Variants in DLG2 observed in about 807,000 individuals in gnomAD.
DLG2 encodes disks large homolog 2.
A neutral mutation model predicts 132.5 loss-of-function variants in DLG2; 45 were observed. The ratio of observed to expected loss-of-function variants is 0.34; its 90% CI spans 0.27 to 0.44. The LOEUF is 0.44. Ranked by LOEUF, DLG2 falls within the 20% of genes least tolerant of loss-of-function variation. DLG2 has a pLI of 1.00. For synonymous variants in DLG2, 424 were observed against 419.6 expected (o/e 1.01, Z -0.13); for missense variants, 1,045 against 1,196.9 (o/e 0.87, Z 1.87).
chr11:85,514,080 G>A (rs540593628), intron 3 of DLG2, among the ~76,000 whole-genome samples: 86 of 151,960 alleles, frequency 5.7e-4, no homozygotes, highest in African/African-American at 1.8e-3. Flanking sequence ...GAGTAATTTT[G>A]TAAAACTCAG....
intron 8 of DLG2, among the ~76,000 whole-genome samples, chr11:84,188,722 C>T (rs997359754): frequency 7.2e-5 from 11 of 152,102 alleles, no homozygotes; most frequent in Non-Finnish European, 1.2e-4. Flanking sequence ...ACTTCTTCAA[C>T]GGGAATGCTT....
chr11:84,675,039 T>A (rs1442527896), intron 6 of DLG2, among the ~76,000 whole-genome samples: 1 of 152,118 alleles, frequency 6.6e-6, no homozygotes, highest in Non-Finnish European at 1.5e-5. Context: ...AAACCTAGTA[T>A]ACAGCATCTG....
rs2064604561 is a variant in DLG2, at chr11:84,741,212, G to A, written c.358-206481C>T. ...CTCCCGAGTAGCTGGGACTACAGGC[G>A]CCCGCCACTGCGCCTGGCTAATTTT... On this transcript the variant is annotated intron_variant, in intron 6 of 27. Coordinates refer to ENST00000376104, the MANE Select transcript of DLG2 (RefSeq NM_001142699.3). Among the ~76,000 whole-genome samples, 3 of 151,398 alleles carry A rather than the reference G, an allele frequency of 2.0e-5. No individual in the cohort carries two copies. In the South Asian group the frequency reaches 6.3e-4, roughly 32 times the overall value.
intron 3 of DLG2, among the ~76,000 whole-genome samples, chr11:85,518,604 A>C (rs1383338623): frequency 6.6e-6 from 1 of 152,196 alleles, no homozygotes; most frequent in Non-Finnish European, 1.5e-5. Context: ...TGACAATGTG[A>C]TAGAAAAGAA....
intron 6 of DLG2, among the ~76,000 whole-genome samples, chr11:84,839,771 A>G (rs1370210614): frequency 6.6e-6 from 1 of 152,204 alleles, no homozygotes. Context: ...TGATGCTGGG[A>G]AAACTGGCTA....
intron 10 of DLG2, among the ~76,000 whole-genome samples, chr11:84,087,798 T>C (rs944928445): frequency 2.0e-5 from 3 of 152,240 alleles, no homozygotes; most frequent in Non-Finnish European, 2.9e-5. Flanking sequence ...TTATCCCATA[T>C]AGTCTCTGGG....
At position 84,537,766 on chromosome 11, in the gene DLG2, C is replaced by G. The variant is rs568974310; in HGVS notation, c.358-3035G>C. Among the ~76,000 whole-genome samples the G allele has an allele frequency of 3.3e-5, 5 of 152,298 alleles. No homozygotes were observed. The East Asian group carries it at 7.7e-4, about 24-fold the overall frequency. On this transcript the variant is annotated intron_variant, in intron 6 of 27. Transcript: ENST00000376104. The stretch of plus-strand genomic sequence containing the variant: ...TATTCTCACATCTCCAGTCTTTAGT[C>G]ATATGCACAACACATATGCTCAATA...
intron 11 of DLG2, among the ~76,000 whole-genome samples, chr11:83,985,430 T>C (rs2154178103): frequency 6.6e-6 from 1 of 152,246 alleles, no homozygotes; most frequent in South Asian, 2.1e-4. Context: ...CCCTGGTAGC[T>C]TGCTGCAAAG....
At chr11:83,837,300 C>T (rs964427773) in intron 16 of DLG2, among the ~76,000 whole-genome samples, 8 of 152,030 alleles carry the variant, frequency 5.3e-5, no homozygotes, top group African/African-American at 1.9e-4. Flanking sequence ...GGTAAGGGTA[C>T]GAGTTCAGCT....
chr11:84,568,434 G>A (rs913986274), intron 6 of DLG2, among the ~76,000 whole-genome samples: 1 of 152,218 alleles, frequency 6.6e-6, no homozygotes, highest in African/African-American at 2.4e-5. Context: ...TTGAACCCTG[G>A]AGGTGGAGGT....
chr11:83,776,268 C>T (rs1481552009), intron 18 of DLG2, among the ~76,000 whole-genome samples: 1 of 152,110 alleles, frequency 6.6e-6, no homozygotes, highest in Non-Finnish European at 1.5e-5. Flanking sequence ...CACCTACATC[C>T]TTCCCTGAAT....
chr11:83,732,671 C>T (rs2091233742), intron 18 of DLG2, among the ~76,000 whole-genome samples: 1 of 152,174 alleles, frequency 6.6e-6, no homozygotes, highest in Non-Finnish European at 1.5e-5. Flanking sequence ...ATCATGTGTG[C>T]TTTCCTGCAA....
intron 7 of DLG2, among the ~76,000 whole-genome samples, chr11:84,380,298 A>G (rs1385313936): frequency 6.6e-6 from 1 of 151,966 alleles, no homozygotes; most frequent in Admixed American, 6.6e-5. Context: ...CTAATCAGCT[A>G]GAGAATGCAC....
intron 16 of DLG2, among the ~76,000 whole-genome samples, chr11:83,847,677 C>T (rs141296726): frequency 1.6e-3 from 248 of 152,264 alleles, no homozygotes; most frequent in African/African-American, 5.7e-3. Context: ...AAACCAGAAT[C>T]GCCACGATCC....
chr11:83,916,190 G>A (rs2154116329), intron 15 of DLG2, among the ~76,000 whole-genome samples: 1 of 152,208 alleles, frequency 6.6e-6, no homozygotes, highest in Non-Finnish European at 1.5e-5. Flanking sequence ...GCTATATTAT[G>A]AACAATGCTG....
intron 22 of DLG2, among the ~76,000 whole-genome samples, chr11:83,474,818 A>C (rs958246): frequency 0.63 from 95,227 of 152,042 alleles, 30,439 homozygotes; most frequent in African/African-American, 0.75. Flanking sequence ...GAGCACATCA[A>C]GTTCCCATAA....
intron 14 of DLG2, among the ~76,000 whole-genome samples, chr11:83,950,111 G>T (rs890679749): frequency 2.6e-5 from 4 of 152,194 alleles, no homozygotes; most frequent in Non-Finnish European, 5.9e-5. Flanking sequence ...GTAAAAGGGG[G>T]TAATTATAGC....
intron 6 of DLG2, among the ~76,000 whole-genome samples, chr11:84,859,193 T>A (rs539759544): frequency 6.6e-6 from 1 of 151,360 alleles, no homozygotes; most frequent in Non-Finnish European, 1.5e-5. Context: ...TGAAAAAGTA[T>A]AAAATGTAAT....
chr11:84,283,324 G>C (rs1210213395), intron 7 of DLG2, among the ~76,000 whole-genome samples: 2 of 152,160 alleles, frequency 1.3e-5, no homozygotes, highest in African/African-American at 4.8e-5. Context: ...CCATGGCCAA[G>C]TTCCATAGTT....
Sources: allele counts gnomAD v4.1 joint callset (sites outside exome capture counted in the v4.1 genomes callset), GRCh38; gene constraint gnomAD v4.1.1; transcripts MANE v1.5; gene names NCBI Gene and HGNC (gene_info 2026-07-23, HGNC 2026-07-21).